MTAP: variants seen among roughly 807,000 people sequenced by gnomAD.
MTAP encodes the protein S-methyl-5'-thioadenosine phosphorylase.
A neutral mutation model predicts 33.6 loss-of-function variants in MTAP; 33 were observed. The ratio of observed to expected loss-of-function variants is 0.98; its 90% confidence interval spans 0.74 to 1.31. The LOEUF (loss-of-function observed/expected upper bound fraction) is 1.31, where lower values mean the gene tolerates loss of function less well. Ranked by LOEUF, MTAP falls within the 40% of genes most tolerant of loss-of-function variation. MTAP has a pLI of 0.00. For synonymous variants in MTAP, 148 were observed against 125.7 expected (o/e 1.18, Z -1.19); for missense variants, 367 against 360.0 (o/e 1.02, Z -0.16).
At chr9:21,818,622 G>C (rs554455377) in intron 4 of MTAP, among the ~76,000 whole-genome samples, 1 of 152,248 alleles carries the variant, frequency 6.6e-6, no homozygotes, top group East Asian at 1.9e-4. Context: ...ACTGCACCCA[G>C]CCTGTGTTAA....
In MTAP at chr9:21,902,302, G is replaced by A. The variant is rs563887836; in HGVS notation, c.148-28706G>A. On this transcript the variant is annotated intron_variant, in intron 1 of 1. Transcript: ENST00000577563. ...AACCCTTGTTTCCTGTAGCTCATGA[G>A]TCAGATCCCATCTGGTAGCATTTAG... is the stretch of plus-strand genomic sequence containing the variant. Among the ~76,000 whole-genome samples, 16 of 152,290 alleles carry A rather than the reference G, an allele frequency of 1.1e-4. No homozygotes were observed. The East Asian group carries it at 3.1e-3, about 29-fold the overall frequency.
At chr9:21,874,887 C>G (rs922404095) in intron 1 of MTAP, among the ~76,000 whole-genome samples, 2 of 151,954 alleles carry the variant, frequency 1.3e-5, no homozygotes, top group Non-Finnish European at 2.9e-5. Flanking sequence ...ATGTTCCCCT[C>G]CCTGTGTCCA....
intron 5 of MTAP, among the ~76,000 whole-genome samples, chr9:21,847,084 T>C (rs1825402603): frequency 6.6e-6 from 1 of 152,010 alleles, no homozygotes; most frequent in African/African-American, 2.4e-5. Flanking sequence ...GGCAGAAAAA[T>C]GTGAAAAGAG....
chr9:21,826,927 A>T (rs760860319), intron 4 of MTAP, among the ~76,000 whole-genome samples: 2 of 152,106 alleles, frequency 1.3e-5, no homozygotes, highest in Non-Finnish European at 2.9e-5. Context: ...CAGGAACCCA[A>T]TTGTGAACTG....
Position 21,815,483 on chromosome 9 carries a change from A to C in MTAP, c.84A>C (p.Gly28=). 6.2e-7 allele frequency: 1 copy of C among 1,612,190 alleles called. No homozygotes were observed. The highest frequency in any genetic ancestry group is 8.5e-7 in the Non-Finnish European group (1 of 1,178,926). ...TGGATGATCCAGAAATTTTAGAAGG[A>C]AGAACTGAAAAATATGTGGATACTC... The part of the protein sequence containing the change: ...TGLDDPEILE[G]RTEKYVDTPF... The change falls in exon 2 of 8, where the codon GGA becomes GGC. Residue 28 remains glycine, a synonymous_variant. Transcript: ENST00000644715.
chr9:21,825,964 C>A (rs1824787054), intron 4 of MTAP, among the ~76,000 whole-genome samples: 2 of 152,058 alleles, frequency 1.3e-5, no homozygotes, highest in South Asian at 4.1e-4. Context: ...TATTCAAGTC[C>A]TTTGCCTATT....
intron 1 of MTAP, among the ~76,000 whole-genome samples, chr9:21,874,579 A>T (rs758241203): frequency 6.6e-6 from 1 of 151,940 alleles, no homozygotes; most frequent in Non-Finnish European, 1.5e-5. Flanking sequence ...AATAATTTTC[A>T]CCCATTCTGT....
At chr9:21,907,577 T>A (rs1818495920) in intron 1 of MTAP, among the ~76,000 whole-genome samples, 2 of 152,096 alleles carry the variant, frequency 1.3e-5, no homozygotes, top group African/African-American at 2.4e-5. Context: ...ACAAAAAAAA[T>A]TATTTGTATG....
intron 1 of MTAP, among the ~76,000 whole-genome samples, chr9:21,912,321 C>G: frequency 6.6e-6 from 1 of 152,038 alleles, no homozygotes; most frequent in Non-Finnish European, 1.5e-5. Flanking sequence ...CTGGCAGAGA[C>G]ACAACAAAAA....
At chr9:21,913,612 T>C (rs949121757) in intron 1 of MTAP, among the ~76,000 whole-genome samples, 4 of 152,194 alleles carry the variant, frequency 2.6e-5, no homozygotes, top group African/African-American at 9.7e-5. Context: ...CCTTACACCT[T>C]ATACAAAAAT....
intron 4 of MTAP, among the ~76,000 whole-genome samples, chr9:21,829,985 A>T (rs926146009): frequency 6.6e-6 from 1 of 152,162 alleles, no homozygotes; most frequent in Admixed American, 6.5e-5. Context: ...AAGCCTGGGC[A>T]TAAGAAAAGG....
At chr9:21,914,686 G>A (rs748332732) in intron 1 of MTAP, among the ~76,000 whole-genome samples, 1 of 151,454 alleles carries the variant, frequency 6.6e-6, no homozygotes, top group Non-Finnish European at 1.5e-5. Flanking sequence ...TGTAAATGAT[G>A]AGTTAATGGG....
intron 1 of MTAP, among the ~76,000 whole-genome samples, chr9:21,814,358 G>T (rs1473145529): frequency 6.6e-6 from 1 of 151,888 alleles, no homozygotes; most frequent in Non-Finnish European, 1.5e-5. Context: ...TTTTCTTGAG[G>T]CCTACTTTAT....
At chr9:21,894,815 A>G (rs1350144963) in intron 1 of MTAP, among the ~76,000 whole-genome samples, 1 of 152,080 alleles carries the variant, frequency 6.6e-6, no homozygotes, top group Non-Finnish European at 1.5e-5. Context: ...TGATTAAAAA[A>G]AAAAACTTCA....
intron 5 of MTAP, among the ~76,000 whole-genome samples, chr9:21,853,063 T>C (rs1389602751): frequency 6.6e-6 from 1 of 152,222 alleles, no homozygotes; most frequent in African/African-American, 2.4e-5. Flanking sequence ...CTTGAAGGAA[T>C]GCAAAATGCT....
chr9:21,926,472 A>G (rs1563873386), intron 1 of MTAP, among the ~76,000 whole-genome samples: 1 of 152,210 alleles, frequency 6.6e-6, no homozygotes, highest in Admixed American at 6.5e-5. Flanking sequence ...CCAGATGCTC[A>G]TTTGTTCTCA....
intron 5 of MTAP, among the ~76,000 whole-genome samples, chr9:21,844,246 G>T (rs1293218403): frequency 1.3e-5 from 2 of 152,122 alleles, no homozygotes; most frequent in East Asian, 3.9e-4. Context: ...TTAAAAAATT[G>T]CCAACAAAGA....
At chr9:21,805,905 T>G (rs1824195884) in intron 1 of MTAP, among the ~76,000 whole-genome samples, 1 of 152,060 alleles carries the variant, frequency 6.6e-6, no homozygotes, top group Non-Finnish European at 1.5e-5. Flanking sequence ...AAGATCCAAG[T>G]GAAGACCTGA....
At chr9:21,829,949 G>T (rs1399830215) in intron 4 of MTAP, among the ~76,000 whole-genome samples, 1 of 151,736 alleles carries the variant, frequency 6.6e-6, no homozygotes, top group Non-Finnish European at 1.5e-5. Context: ...TCTCTCTCAT[G>T]CTACATTACA....
Sources: allele counts gnomAD v4.1 joint callset (sites outside exome capture counted in the v4.1 genomes callset), GRCh38; gene constraint gnomAD v4.1.1; transcripts MANE v1.5; gene names NCBI Gene and HGNC (gene_info 2026-07-23, HGNC 2026-07-21).